The following MAGI1 variants were observed in gnomAD, a reference collection of about 807,000 sequenced individuals.
MAGI1 encodes the protein membrane associated guanylate kinase, WW and PDZ domain containing 1.
In MAGI1, 58 loss-of-function variants were observed where a neutral mutation model predicts 139.9. That is an observed-to-expected ratio of 0.41 (90% CI 0.34 to 0.52). The LOEUF (loss-of-function observed/expected upper bound fraction) is 0.52. Among genes scored for constraint, MAGI1 ranks in the 20% least tolerant of loss-of-function variants. MAGI1 has a pLI of 0.12. For missense variants in MAGI1, 1,874 were observed against 1,901.6 expected (o/e 0.99, Z 0.27); for synonymous variants, 812 against 737.9 (o/e 1.10, Z -1.63).
chr3:65,672,488 C>A (rs1335087823), intron 1 of MAGI1, among the ~76,000 whole-genome samples: 1 of 152,060 alleles, frequency 6.6e-6, no homozygotes, highest in Non-Finnish European at 1.5e-5. Context: ...ACTTTATATA[C>A]CCATGTGTAA....
intron 1 of MAGI1, among the ~76,000 whole-genome samples, chr3:65,851,526 A>G (rs2108394478): frequency 6.6e-6 from 1 of 152,138 alleles, no homozygotes; most frequent in East Asian, 1.9e-4. Flanking sequence ...AGGTGGGCGG[A>G]TCACTTGAGG....
intron 1 of MAGI1, among the ~76,000 whole-genome samples, chr3:65,951,035 GGA>G (rs879298631): frequency 0.047 from 3,571 of 76,036 alleles, 338 homozygotes; most frequent in Middle Eastern, 0.089. Context: ...AAGGAAGGAA[GGA>G]AAGGAGGGAG....
At chr3:65,758,583 T>A (rs181165017) in intron 1 of MAGI1, among the ~76,000 whole-genome samples, 7 of 152,214 alleles carry the variant, frequency 4.6e-5, no homozygotes, top group African/African-American at 1.7e-4. Flanking sequence ...GGGGGGAATA[T>A]CATGCCCCAG....
At chr3:65,737,049 G>C (rs927359023) in intron 1 of MAGI1, among the ~76,000 whole-genome samples, 14 of 151,438 alleles carry the variant, frequency 9.2e-5, no homozygotes, top group African/African-American at 2.7e-4. Context: ...TCTGTCCCTA[G>C]GCTGGAGTGC....
At chr3:65,465,628 A>G (rs1190583002) in intron 5 of MAGI1, among the ~76,000 whole-genome samples, 1 of 152,084 alleles carries the variant, frequency 6.6e-6, no homozygotes. Context: ...TCACTAACAT[A>G]CATAGGGTGT....
At chr3:65,782,392 G>A (rs772880450) in intron 1 of MAGI1, among the ~76,000 whole-genome samples, 5 of 152,102 alleles carry the variant, frequency 3.3e-5, no homozygotes, top group Admixed American at 6.5e-5. Context: ...AAAGCCTTAG[G>A]AAGGGAACAC....
At chr3:65,640,707 T>C (rs1439450111) in intron 1 of MAGI1, among the ~76,000 whole-genome samples, 4 of 152,214 alleles carry the variant, frequency 2.6e-5, no homozygotes, top group Admixed American at 2.0e-4. Flanking sequence ...TTCTCTTAAC[T>C]TCCTCTCCGA....
At chr3:65,752,386 G>A (rs967347555) in intron 1 of MAGI1, among the ~76,000 whole-genome samples, 3 of 152,172 alleles carry the variant, frequency 2.0e-5, no homozygotes, top group Non-Finnish European at 2.9e-5. Flanking sequence ...GGTTTGGTGT[G>A]AGGAATAAAT....
chr3:65,509,783 G>C (rs1008445322), intron 2 of MAGI1, among the ~76,000 whole-genome samples: 4 of 152,070 alleles, frequency 2.6e-5, no homozygotes, highest in Middle Eastern at 3.4e-3. Context: ...TGGGAAGCTC[G>C]AACTGGGTGG....
Position 65,677,784 on chromosome 3 carries a change from G to T in MAGI1, c.314-55696C>A, listed in dbSNP as rs552756544. 9.9e-5 allele frequency among the ~76,000 whole-genome samples: 15 copies of T among 152,274 alleles called. No individual in the cohort carries two copies. The South Asian group carries it at 3.1e-3, about 32-fold the overall frequency. The stretch of plus-strand genomic sequence containing the variant: ...CTTGGCCGAACCCCAATCCACAAAG[G>T]AATGCACTAAATCACTGGAAGTGCT... On this transcript the variant is annotated intron_variant, in intron 1 of 22. Coordinates refer to ENST00000402939, the MANE Select transcript of MAGI1 (RefSeq NM_001033057.2).
At chr3:65,459,807 C>T (rs1398719532) in intron 5 of MAGI1, among the ~76,000 whole-genome samples, 1 of 151,978 alleles carries the variant, frequency 6.6e-6, no homozygotes, top group Non-Finnish European at 1.5e-5. Context: ...ACCTGTAGTC[C>T]CAGCTACTTG....
intron 2 of MAGI1, among the ~76,000 whole-genome samples, chr3:65,518,339 T>G (rs1176113200): frequency 6.6e-6 from 1 of 152,220 alleles, no homozygotes; most frequent in African/African-American, 2.4e-5. Flanking sequence ...CACCATAATA[T>G]TAACATCATA....
At chr3:65,539,507 G>C (rs1307323824) in intron 2 of MAGI1, among the ~76,000 whole-genome samples, 2 of 152,192 alleles carry the variant, frequency 1.3e-5, no homozygotes, top group Non-Finnish European at 2.9e-5. Flanking sequence ...CGTGTTCTCT[G>C]GGACCAAGAA....
Position 65,810,352 on chromosome 3 carries a change from C to T in MAGI1, c.314-188264G>A, listed in dbSNP as rs112944171. ...CCAGTCTCTATCCCATACACCCAAA[C>T]GGCTCATGAATGTGGCAGTAATGCC... On this transcript the variant is annotated intron_variant, in intron 1 of 22. Coordinates refer to ENST00000402939, the MANE Select transcript of MAGI1 (RefSeq NM_001033057.2). Among the ~76,000 whole-genome samples the T allele has an allele frequency of 4.6e-3, 703 of 152,338 alleles. 38 individuals carry two copies. The South Asian group carries it at 0.11, about 23-fold the overall frequency.
chr3:65,395,774 A>G (rs1468544147), intron 13 of MAGI1, among the ~76,000 whole-genome samples: 2 of 151,798 alleles, frequency 1.3e-5, no homozygotes, highest in Non-Finnish European at 1.5e-5. Flanking sequence ...GGGCTACGTA[A>G]GGAGTTTGGG....
At chr3:65,531,159 A>AC (rs1177287561) in intron 2 of MAGI1, among the ~76,000 whole-genome samples, 3 of 149,494 alleles carry the variant, frequency 2.0e-5, no homozygotes, top group Non-Finnish European at 3.0e-5. Context: ...CTCAGGACAC[A>AC]AAAAAAAAAT....
chr3:66,010,286 G>A (rs148308700), intron 1 of MAGI1, among the ~76,000 whole-genome samples: 1 of 152,190 alleles, frequency 6.6e-6, no homozygotes, highest in Non-Finnish European at 1.5e-5. Flanking sequence ...GCCTGCTCAG[G>A]TACTGAGTGT....
intron 1 of MAGI1, among the ~76,000 whole-genome samples, chr3:65,986,870 A>AT (rs57745762): frequency 0.13 from 18,286 of 137,404 alleles, 2,001 homozygotes; most frequent in African/African-American, 0.31. Context: ...TAAGGAAGGG[A>AT]TTTTTTTTTT....
intron 1 of MAGI1, among the ~76,000 whole-genome samples, chr3:65,722,348 C>A (rs2033131644): frequency 6.6e-6 from 1 of 152,054 alleles, no homozygotes; most frequent in Non-Finnish European, 1.5e-5. Flanking sequence ...ACTTTGGGGA[C>A]CAGGCACAGT....
Sources: allele counts gnomAD v4.1 joint callset (sites outside exome capture counted in the v4.1 genomes callset), GRCh38; gene constraint gnomAD v4.1.1; transcripts MANE v1.5; gene names NCBI Gene and HGNC (gene_info 2026-07-23, HGNC 2026-07-21).